The following SDK1 variants were observed in gnomAD, a reference collection of about 807,000 sequenced individuals.
SDK1 encodes the protein protein sidekick-1.
In SDK1, 157 loss-of-function variants were observed where a neutral mutation model predicts 245.5. That is an observed-to-expected ratio of 0.64 (90% confidence interval 0.56 to 0.73). The LOEUF (loss-of-function observed/expected upper bound fraction) is 0.73, where lower values mean the gene tolerates loss of function less well. Ranked by LOEUF, SDK1 falls within the 30% of genes least tolerant of loss-of-function variation. The probability of loss-of-function intolerance (pLI) is 0.00; values close to 1 mark genes in which losing one functional copy is unlikely to be tolerated. For synonymous variants in SDK1, 1,647 were observed against 1,278.5 expected (o/e 1.29, Z -6.15); for missense variants, 3,583 against 3,002.3 (o/e 1.19, Z -4.52).
At chr7:3,987,106 G>A (rs924378332) in intron 13 of SDK1, 80 bp from the exon 14 acceptor site, 23 of 1,387,842 alleles carry the variant, frequency 1.7e-5, no homozygotes, top group South Asian at 1.6e-4. Flanking sequence ...CAGCAGGACG[G>A]TCTGCTGTAA....
At chr7:3,500,817 T>C (rs1782179749) in intron 1 of SDK1, among the ~76,000 whole-genome samples, 1 of 152,088 alleles carries the variant, frequency 6.6e-6, no homozygotes, top group Non-Finnish European at 1.5e-5. Flanking sequence ...TTTTCATGTT[T>C]TTTTTCATTT....
rs777199429 is a variant in SDK1 at position 4,012,549 on chromosome 7, C to CTTTTTTTTTTTTTTTTTTTTTTTTTTT, written c.2420+331_2420+357dup. Among the ~76,000 whole-genome samples the CTTTTTTTTTTTTTTTTTTTTTTTTTTT allele has an allele frequency of 4.2e-4, 11 of 25,988 alleles. 5 individuals carry two copies. The highest frequency in any genetic ancestry group is 1.0e-3 in the Non-Finnish European group (10 of 10,038). 17.0% of individuals were successfully genotyped at this position (25,988 alleles called of 152,430 possible). A position where few individuals can be genotyped will look rare whatever the true frequency, so the allele number is the denominator to read the frequency against. On this transcript the variant is annotated intron_variant, in intron 16 of 44. Coordinates refer to ENST00000404826, the MANE Select transcript of SDK1 (RefSeq NM_152744.4). The stretch of plus-strand genomic sequence containing the variant: ...GCAAGGTATATTGTTCAATGTGAAG[C>CTTTTTTTTTTTTTTTTTTTTTTTTTTT]TTTTTTTTTTTTTTTTTTTTTTTTT...
intron 1 of SDK1, among the ~76,000 whole-genome samples, chr7:3,446,743 C>T (rs934217611): frequency 6.6e-6 from 1 of 152,148 alleles, no homozygotes; most frequent in African/African-American, 2.4e-5. Flanking sequence ...TAACTAGTAT[C>T]AAATCAGTGG....
intron 5 of SDK1, among the ~76,000 whole-genome samples, chr7:3,905,862 G>T (rs544834409): frequency 6.6e-6 from 1 of 152,000 alleles, no homozygotes; most frequent in Non-Finnish European, 1.5e-5. Flanking sequence ...GGCCTCAAGC[G>T]ATCCTCCCAC....
Position 4,245,688 on chromosome 7 carries a change from G to T in SDK1, c.6264G>T (p.Arg2088=), listed in dbSNP as rs1480978060. 5 of 1,613,874 alleles carry T rather than the reference G, an allele frequency of 3.1e-6. No individual in the cohort carries two copies. The African/African-American group carries it at 5.3e-5, about 17-fold the overall frequency. The change falls in exon 44 of 45, where the codon CGG becomes CGT. Residue 2088 remains arginine (R), a synonymous_variant. Transcript: ENST00000404826. ...SKKNGTRSPP[R]PSPGGLHYSD... is the part of the protein sequence containing the mutation. The stretch of plus-strand genomic sequence containing the variant: ...GTCCTCATCCTAGGTCCCCACCCCG[G>T]CCTAGCCCCGGCGGCCTGCACTACT...
chr7:3,305,008 T>A (rs1779380661), intron 1 of SDK1, among the ~76,000 whole-genome samples: 1 of 152,186 alleles, frequency 6.6e-6, no homozygotes, highest in East Asian at 1.9e-4. Context: ...CCACATGGCT[T>A]GATTTCCCTT....
Position 4,267,306 on chromosome 7 carries a change from C to G in SDK1, c.*1922C>G, listed in dbSNP as rs151091785. 5.9e-4 allele frequency: 399 copies of G among 680,320 alleles called. No homozygotes were observed. In the African/African-American group the frequency reaches 7.6e-3, roughly 13 times the overall value. 42.1% of individuals were successfully genotyped at this position (680,320 alleles called of 1,614,324 possible). ...TCTTTCCTCCTTCCTTCCCTCCCTT[C>G]TTTCCCTCCCTCCCTTCCTCTCTCC... On this transcript the variant is annotated 3_prime_UTR_variant, in exon 45 of 45. Transcript: ENST00000404826.
In SDK1 at chr7:3,629,528, G is replaced by A. The variant is rs191961387; in HGVS notation, c.459-9476G>A. On this transcript the variant is annotated intron_variant, in intron 2 of 44. Coordinates refer to ENST00000404826, the MANE Select transcript of SDK1 (RefSeq NM_152744.4). The stretch of plus-strand genomic sequence containing the variant: ...AGTGTCTGTTCTCACCAGCCAAATC[G>A]TAAAACCTCATATTCATGAGTTTAT... Among the ~76,000 whole-genome samples, 9 of 152,242 alleles carry A rather than the reference G, an allele frequency of 5.9e-5. No individual in the cohort carries two copies. The East Asian group carries it at 1.2e-3, about 20-fold the overall frequency.
At chr7:3,415,357 G>T (rs1201347825) in intron 1 of SDK1, among the ~76,000 whole-genome samples, 2 of 152,120 alleles carry the variant, frequency 1.3e-5, no homozygotes, top group African/African-American at 4.8e-5. Flanking sequence ...GTGTATTGCA[G>T]GTGTATGTGT....
In SDK1 at chr7:3,557,114, C is replaced by T. The variant is rs190677632; in HGVS notation, c.299-61966C>T. ...GGAAAGAGATAATAAAAGCAAAAGTCGACAAAACTGAAAATAGGGAAACAG... is the reference window on the plus strand; with the variant it reads ...GGAAAGAGATAATAAAAGCAAAAGTTGACAAAACTGAAAATAGGGAAACAG... On this transcript the variant is annotated intron_variant, in intron 1 of 44. Coordinates refer to ENST00000404826, the MANE Select transcript of SDK1 (RefSeq NM_152744.4). Among the ~76,000 whole-genome samples the T allele has an allele frequency of 7.9e-4, 119 of 151,338 alleles. 1 individual carries two copies. Among genetic ancestry groups the T allele is most frequent in the African/African-American group, 2.5e-3 (105 of 41,262 alleles).
At chr7:4,100,445 A>C (rs1443437466) in intron 22 of SDK1, among the ~76,000 whole-genome samples, 1 of 152,186 alleles carries the variant, frequency 6.6e-6, no homozygotes, top group Non-Finnish European at 1.5e-5. Context: ...TAAGGCAGGC[A>C]CCAGGCGCTG....
intron 1 of SDK1, among the ~76,000 whole-genome samples, chr7:3,615,490 C>T (rs567313735): frequency 6.6e-6 from 1 of 151,710 alleles, no homozygotes; most frequent in African/African-American, 2.4e-5. Flanking sequence ...CATGTGCTGT[C>T]ACAGCATCTA....
At chr7:3,573,282 C>T (rs1322818163) in intron 1 of SDK1, among the ~76,000 whole-genome samples, 2 of 152,232 alleles carry the variant, frequency 1.3e-5, no homozygotes, top group African/African-American at 4.8e-5. Flanking sequence ...GAGCAAGGGA[C>T]TGACAGTATG....
intron 20 of SDK1, among the ~76,000 whole-genome samples, chr7:4,075,195 G>C (rs796789071): frequency 3.9e-4 from 60 of 152,156 alleles, no homozygotes; most frequent in African/African-American, 1.4e-3. Context: ...CAGCAGCCAG[G>C]CCTCCCCTCT....
intron 1 of SDK1, among the ~76,000 whole-genome samples, chr7:3,616,611 A>G (rs1396303872): frequency 2.6e-5 from 4 of 152,280 alleles, no homozygotes; most frequent in South Asian, 2.1e-4. Flanking sequence ...CATAGATGCA[A>G]TTTAATATTT....
intron 2 of SDK1, among the ~76,000 whole-genome samples, chr7:3,628,448 G>A (rs538803817): frequency 2.0e-5 from 3 of 152,304 alleles, no homozygotes; most frequent in Admixed American, 6.5e-5. Context: ...GGACATCAGT[G>A]TATGTAGTTC....
At chr7:3,703,673 C>T (rs973311963) in intron 4 of SDK1, among the ~76,000 whole-genome samples, 1 of 152,094 alleles carries the variant, frequency 6.6e-6, no homozygotes, top group African/African-American at 2.4e-5. Context: ...GTAAAGGGCG[C>T]CTGATTTTCT....
chr7:4,150,593 C>A (rs1156829239), intron 30 of SDK1, among the ~76,000 whole-genome samples: 2 of 152,210 alleles, frequency 1.3e-5, no homozygotes, highest in Non-Finnish European at 2.9e-5. Context: ...GCCCAGCCAT[C>A]CTCGTCTTCG....
chr7:3,380,859 C>G (rs954043209), intron 1 of SDK1, among the ~76,000 whole-genome samples: 1 of 152,084 alleles, frequency 6.6e-6, no homozygotes, highest in Non-Finnish European at 1.5e-5. Flanking sequence ...GAAACCACCC[C>G]CATTAGACTT....
Sources: gnomAD v4.1 joint callset for allele counts (sites outside exome capture counted in the v4.1 genomes callset) on GRCh38, gnomAD v4.1.1 for gene constraint, MANE v1.5 for transcripts, NCBI Gene and HGNC (gene_info 2026-07-23, HGNC 2026-07-21) for gene names.